Variants in UGT1A7 observed in about 807,000 individuals in gnomAD.
UGT1A7 encodes the protein UDP-glucuronosyltransferase 1A7.
UGT1A7 carries 33 observed loss-of-function variants against 45.6 expected under a neutral mutation model. That is an observed-to-expected ratio of 0.72 (90% CI 0.55 to 0.97). The LOEUF (loss-of-function observed/expected upper bound fraction) is 0.97. UGT1A7 is among the 50% of genes least tolerant of loss of function. UGT1A7 has a pLI of 0.00. For synonymous variants in UGT1A7, 274 were observed against 250.6 expected (o/e 1.09, Z -0.88); for missense variants, 684 against 666.2 (o/e 1.03, Z -0.29).
Position 233,693,465 on chromosome 2 carries a change from C to G in UGT1A7, c.855+10673C>G, listed in dbSNP as rs139410055. The G allele has an allele frequency of 3.7e-6, 6 of 1,613,952 alleles. No homozygotes were observed. The African/African-American group carries it at 6.7e-5, about 18-fold the overall frequency. The stretch of plus-strand genomic sequence containing the variant: ...GCTCTTTTCACAGACCCAGCCTTAC[C>G]CTGTGGGGTGATCCTGGCTGAGTAT... On this transcript the variant is annotated intron_variant, in intron 1 of 4. Coordinates refer to ENST00000373426, the MANE Select transcript of UGT1A7 (RefSeq NM_019077.3).
chr2:233,700,907 G>A (rs985233948), intron 1 of UGT1A7, among the ~76,000 whole-genome samples: 6 of 151,214 alleles, frequency 4.0e-5, no homozygotes, highest in Non-Finnish European at 7.4e-5. Flanking sequence ...GGTGTGTGAC[G>A]TTCCTCTTCC....
At chr2:233,745,258 A>T (rs1322135753) in intron 1 of UGT1A7, among the ~76,000 whole-genome samples, 2 of 151,808 alleles carry the variant, frequency 1.3e-5, no homozygotes, top group East Asian at 1.9e-4. Flanking sequence ...AACCATTAAG[A>T]CTTGCAGGCC....
intron 1 of UGT1A7, chr2:233,717,996 A>G (rs2076620748): frequency 2.4e-6 from 1 of 421,104 alleles, no homozygotes; most frequent in Non-Finnish European, 4.8e-6. Context: ...AGACTGTGCA[A>G]GATCTGAGGC....
rs774438667 is a variant in UGT1A7 at position 233,767,136 on chromosome 2, G to T, written c.958G>T (p.Ala320Ser). 3.1e-6 allele frequency: 5 copies of T among 1,614,110 alleles called. No individual in the cohort carries two copies. Among genetic ancestry groups the T allele is most frequent in the Admixed American group, 1.7e-5 (1 of 60,022 alleles). The stretch of plus-strand genomic sequence containing the variant: ...TCCAGAGAAGAAAGCTATGGCAATT[G>T]CTGATGCTTTGGGCAAAATCCCTCA... The part of the protein sequence containing the change: ...EIPEKKAMAI[A>S]DALGKIPQTV... Residue 320 changes from alanine to serine, a missense_variant, in exon 2 of 5, where the codon GCT (alanine) becomes TCT (serine). By Grantham distance (99) the Ala-to-Ser change is moderately conservative. Coordinates refer to ENST00000373426, the MANE Select transcript of UGT1A7 (RefSeq NM_019077.3).
intron 1 of UGT1A7, among the ~76,000 whole-genome samples, chr2:233,715,442 T>G (rs560027833): frequency 2.6e-5 from 4 of 152,318 alleles, no homozygotes; most frequent in Admixed American, 2.6e-4. Context: ...ATGTGACTCC[T>G]ATGTTATTTT....
At position 233,772,420 on chromosome 2, in the gene UGT1A7, C is replaced by G. The variant is rs72551360; in HGVS notation, c.1454C>G (p.Ser485Cys). Residue 485 changes from serine (S) to cysteine (C), a missense_variant, in exon 5 of 5, where the codon TCC becomes TGC. Ser to Cys is a moderately radical substitution (Grantham distance 112, BLOSUM62 -1). Coordinates refer to ENST00000373426, the MANE Select transcript of UGT1A7 (RefSeq NM_019077.3). ...GACCTCACCTGGTACCAGTACCATTCCTTGGACGTGATTGGTTTCCTCTTG... is the reference window on the plus strand; with the variant it reads ...GACCTCACCTGGTACCAGTACCATTGCTTGGACGTGATTGGTTTCCTCTTG... ...AHDLTWYQYH[S>C]LDVIGFLLAV... is the part of the protein sequence containing the mutation. The G allele has an allele frequency of 1.2e-6, 2 of 1,614,120 alleles. No homozygotes were observed. Among genetic ancestry groups the G allele is most frequent in the African/African-American group, 2.7e-5 (2 of 74,942 alleles).
At position 233,732,704 on chromosome 2, in the gene UGT1A7, T is replaced by A. The variant is rs2078302376; in HGVS notation, c.856-34330T>A. 3.3e-5 allele frequency among the ~76,000 whole-genome samples: 5 copies of A among 152,126 alleles called. No homozygotes were observed. In the South Asian group the frequency reaches 1.0e-3, roughly 31 times the overall value. On this transcript the variant is annotated intron_variant, in intron 1 of 4. Coordinates refer to ENST00000373426, the MANE Select transcript of UGT1A7 (RefSeq NM_019077.3). ...ACCAGCACCCATGCTGTTTTGTTAC[T>A]GTAGCCTTGTAGTACAGTTTGAAGT...
In UGT1A7 at chr2:233,743,013, C is replaced by A. The variant is rs1054809; in HGVS notation, c.856-24021C>A. On this transcript the variant is annotated intron_variant, in intron 1 of 4. Transcript: ENST00000373426. ...CAAATTGCATACAGATATTTTACAA[C>A]GATTGAAAGACAAACAGAGGTCCTA... The A allele has an allele frequency of 1.1e-4, 27 of 235,930 alleles. 1 individual carries two copies. The highest frequency in any genetic ancestry group is 7.5e-4 in the South Asian group (13 of 17,240). 14.6% of individuals were successfully genotyped at this position (235,930 alleles called of 1,614,324 possible). A position where few individuals can be genotyped will look rare whatever the true frequency, so the allele number is the denominator to read the frequency against.
intron 1 of UGT1A7, among the ~76,000 whole-genome samples, chr2:233,758,340 C>G (rs1004425999): frequency 6.6e-6 from 1 of 152,226 alleles, no homozygotes; most frequent in Non-Finnish European, 1.5e-5. Flanking sequence ...CTTGGAAGCT[C>G]TGCATGATGC....
chr2:233,697,795 A>AT (rs912508781), intron 1 of UGT1A7, among the ~76,000 whole-genome samples: 1 of 152,102 alleles, frequency 6.6e-6, no homozygotes, highest in Non-Finnish European at 1.5e-5. Flanking sequence ...GTTTCAAGTA[A>AT]TTTTTAAATT....
At chr2:233,724,847 C>A (rs1352664169) in intron 1 of UGT1A7, among the ~76,000 whole-genome samples, 1 of 131,490 alleles carries the variant, frequency 7.6e-6, no homozygotes, top group African/African-American at 3.2e-5. Context: ...CCAAGGCAGG[C>A]GGCTGGGAGG....
rs749836255 is a variant in UGT1A7 at position 233,760,959 on chromosome 2, C to T, written c.856-6075C>T. 27 of 1,614,184 alleles carry T rather than the reference C, an allele frequency of 1.7e-5. No homozygotes were observed. The highest frequency in any genetic ancestry group is 1.9e-5 in the Non-Finnish European group (23 of 1,180,034). On this transcript the variant is annotated intron_variant, in intron 1 of 4. Transcript: ENST00000373426. ...CCTTTTCACAGAACTTTCTGTGCGA[C>T]GTGGTTTATTCCCCGTATGCAACCC...
chr2:233,690,420 A>C (rs1433284612), intron 1 of UGT1A7: 1 of 1,233,876 alleles, frequency 8.1e-7, no homozygotes, highest in African/African-American at 1.6e-5. Flanking sequence ...AATTACCTTC[A>C]TGCACATCTT....
At chr2:233,729,885 T>C (rs2077943126) in intron 1 of UGT1A7, 3 of 1,613,802 alleles carry the variant, frequency 1.9e-6, no homozygotes, top group South Asian at 1.1e-5. Context: ...GTCATGCATC[T>C]GTGTGGCTGT....
At chr2:233,729,935 T>C (rs2077953750) in intron 1 of UGT1A7, 1 of 1,614,092 alleles carries the variant, frequency 6.2e-7, no homozygotes, top group African/African-American at 1.3e-5. Flanking sequence ...AGGCCAATCA[T>C]GCCCAACATG....
intron 1 of UGT1A7, among the ~76,000 whole-genome samples, chr2:233,725,264 G>GGAGGCA (rs551912265): frequency 0.04 from 2,355 of 58,498 alleles, 627 homozygotes; most frequent in African/African-American, 0.084. Flanking sequence ...CAGAGGCAGA[G>GGAGGCA]GAGGCAGAGG....
rs781412186 is a variant in UGT1A7, at chr2:233,767,080, T to C, written c.902T>C (p.Val301Ala). 6.2e-7 allele frequency: 1 copy of C among 1,614,096 alleles called. No individual in the cohort carries two copies. Among genetic ancestry groups the C allele is most frequent in the South Asian group, 1.1e-5 (1 of 91,078 alleles). ...INASGEHGIV[V>A]FSLGSMVSEI... The stretch of plus-strand genomic sequence containing the variant: ...GCTTCTGGAGAACATGGAATTGTGG[T>C]TTTCTCTTTGGGATCAATGGTCTCA... The change falls in exon 2 of 5, where the codon GTT becomes GCT. Residue 301 changes from valine (V) to alanine (A), a missense_variant. By Grantham distance (64) the Val-to-Ala change is moderately conservative. Transcript: ENST00000373426.
chr2:233,726,380 C>G (rs534421761), intron 1 of UGT1A7, among the ~76,000 whole-genome samples: 22 of 152,296 alleles, frequency 1.4e-4, no homozygotes, highest in African/African-American at 4.1e-4. Flanking sequence ...ACCAAAATTG[C>G]TTCCATCTCA....
intron 2 of UGT1A7, 93 bp downstream of exon 2, chr2:233,767,258 C>T (rs1454742513): frequency 1.3e-6 from 2 of 1,592,782 alleles, no homozygotes; most frequent in African/African-American, 1.3e-5. Context: ...TTAATTGGAA[C>T]CTTAGATTTG....
Sources: gnomAD v4.1 joint callset for allele counts (sites outside exome capture counted in the v4.1 genomes callset) on GRCh38, gnomAD v4.1.1 for gene constraint, MANE v1.5 for transcripts, NCBI Gene and HGNC (gene_info 2026-07-23, HGNC 2026-07-21) for gene names.